The following S100PBP variants were observed in gnomAD, a reference collection of about 807,000 sequenced individuals.
S100PBP encodes S100P-binding protein.
In S100PBP, 15 loss-of-function variants were observed where a neutral mutation model predicts 39.9. The ratio of observed to expected loss-of-function variants is 0.38; its 90% CI spans 0.25 to 0.58. The LOEUF (loss-of-function observed/expected upper bound fraction) is 0.58. Ranked by LOEUF, S100PBP falls within the 20% of genes least tolerant of loss-of-function variation. S100PBP has a pLI of 0.70. For synonymous variants in S100PBP, 178 were observed against 180.3 expected, an observed-to-expected ratio of 0.99 and a Z score of 0.10; for missense variants, 504 against 487.3, an observed-to-expected ratio of 1.03 and a Z score of -0.32.
intron 5 of S100PBP, among the ~76,000 whole-genome samples, chr1:32,831,937 T>G (rs1363137879): frequency 6.6e-6 from 1 of 152,206 alleles, no homozygotes; most frequent in Non-Finnish European, 1.5e-5. Context: ...TAACATCATT[T>G]TCAATCTTTT....
At chr1:32,843,014 T>G (rs1640191710) in intron 5 of S100PBP, 1 of 152,246 alleles carries the variant, frequency 6.6e-6, no homozygotes, top group Non-Finnish European at 1.5e-5. Context: ...CCCGGAGTGT[T>G]TCATATTGTG....
intron 1 of S100PBP, among the ~76,000 whole-genome samples, chr1:32,823,251 C>T (rs1319015292): frequency 1.0e-5 from 1 of 99,500 alleles, no homozygotes; most frequent in Non-Finnish European, 2.0e-5. Context: ...AGCTGCTTAA[C>T]CCCAGTGCCT....
chr1:32,822,892 A>G (rs1265374596), intron 1 of S100PBP, among the ~76,000 whole-genome samples: 1 of 152,192 alleles, frequency 6.6e-6, no homozygotes, highest in African/African-American at 2.4e-5. Flanking sequence ...CAAGAGACCA[A>G]AAGCCCTCTT....
intron 1 of S100PBP, among the ~76,000 whole-genome samples, chr1:32,820,055 A>G (rs920788322): frequency 1.3e-5 from 2 of 151,798 alleles, no homozygotes; most frequent in East Asian, 1.9e-4. Flanking sequence ...ATTAAACTAG[A>G]TAAGAGTAGA....
Position 32,857,986 on chromosome 1 carries a change from C to G in S100PBP, c.*1948C>G, listed in dbSNP as rs866478448. On this transcript the variant is annotated 3_prime_UTR_variant, in exon 7 of 7. Coordinates refer to ENST00000373475, the MANE Select transcript of S100PBP (RefSeq NM_022753.4). ...AGTTGAAATCTATTATTTTAGTTAG[C>G]CTACTTGGCATTTACTACATCGGTC... The G allele has an allele frequency of 2.5e-4, 38 of 152,284 alleles. No homozygotes were observed. The highest frequency in any genetic ancestry group is 8.2e-4 in the African/African-American group (34 of 41,556). 9.4% of individuals were successfully genotyped at this position (152,284 alleles called of 1,614,324 possible).
intron 5 of S100PBP, among the ~76,000 whole-genome samples, chr1:32,847,949 G>C (rs954946749): frequency 6.6e-6 from 1 of 152,086 alleles, no homozygotes; most frequent in African/African-American, 2.4e-5. Context: ...GATTAGATGA[G>C]ACTTTTCACC....
chr1:32,856,497 T>G lies in S100PBP; in HGVS notation c.*459T>G, dbSNP rs1640823910. Reference sequence around the variant, plus strand: ...TAACTTGTGAATGGATATAAGTTACTTTTAACAACCCCTCTTACTTTTTTA... The same window carrying G: ...TAACTTGTGAATGGATATAAGTTACGTTTAACAACCCCTCTTACTTTTTTA... On this transcript the variant is annotated 3_prime_UTR_variant, in exon 7 of 7. Coordinates refer to ENST00000373475, the MANE Select transcript of S100PBP (RefSeq NM_022753.4). The G allele has an allele frequency of 6.5e-6, 1 of 153,176 alleles. No homozygotes were observed. The highest frequency in any genetic ancestry group is 1.5e-5 in the Non-Finnish European group (1 of 68,490). The allele number at this position is 153,176 out of a possible 1,614,324, so 9.5% of individuals were successfully genotyped here.
At chr1:32,847,216 T>C (rs1640419988) in intron 5 of S100PBP, 1 of 152,258 alleles carries the variant, frequency 6.6e-6, no homozygotes, top group African/African-American at 2.4e-5. Context: ...ATTTTCCTTT[T>C]TCCTAATGAA....
intron 1 of S100PBP, among the ~76,000 whole-genome samples, chr1:32,822,639 AGAG>A (rs889506600): frequency 2.0e-5 from 3 of 151,062 alleles, no homozygotes; most frequent in Admixed American, 6.6e-5. Flanking sequence ...AAAAAAAAAA[AGAG>A]GAAGTAACAT....
At chr1:32,822,570 G>A (rs1489224782) in intron 1 of S100PBP, among the ~76,000 whole-genome samples, 2 of 146,310 alleles carry the variant, frequency 1.4e-5, no homozygotes, top group Non-Finnish European at 3.0e-5. Context: ...GCAGTGAGCC[G>A]AGATCGCGCC....
Position 32,825,439 on chromosome 1 carries a change from A to G in S100PBP, c.-3+10A>G, listed in dbSNP as rs1413430456. ...CCAGCAGCTCCACACAGTATGGAAG[A>G]CAGTTATTTACCTTCTTGTGTTCTC... On this transcript the variant is annotated intron_variant, in intron 2 of 6. Coordinates refer to ENST00000373475, the MANE Select transcript of S100PBP (RefSeq NM_022753.4). 6.6e-6 allele frequency: 1 copy of G among 152,276 alleles called. No individual in the cohort carries two copies. Among genetic ancestry groups the G allele is most frequent in the Non-Finnish European group, 1.5e-5 (1 of 68,086 alleles). 9.4% of individuals were successfully genotyped at this position (152,276 alleles called of 1,614,324 possible).
intron 1 of S100PBP, among the ~76,000 whole-genome samples, chr1:32,823,773 C>T (rs1204257725): frequency 6.6e-6 from 1 of 152,128 alleles, no homozygotes; most frequent in Non-Finnish European, 1.5e-5. Flanking sequence ...CAAGATTATA[C>T]ATTAAGATTA....
At position 32,825,224 on chromosome 1, in the gene S100PBP, C is replaced by T. The variant is rs1262905188; in HGVS notation, c.-119-89C>T. ...AAAATCAAGATTAAAATTAATACAT[C>T]GAGCACCTTAAAGCATAATACAGTT... On this transcript the variant is annotated intron_variant, in intron 1 of 6. Transcript: ENST00000373475. 3.9e-5 allele frequency: 6 copies of T among 152,034 alleles called. No homozygotes were observed. The East Asian group carries it at 1.2e-3, about 29-fold the overall frequency. 9.4% of individuals were successfully genotyped at this position (152,034 alleles called of 1,614,324 possible).
intron 1 of S100PBP, among the ~76,000 whole-genome samples, chr1:32,819,959 T>A (rs1638968794): frequency 1.3e-5 from 2 of 152,132 alleles, no homozygotes; most frequent in Admixed American, 1.3e-4. Context: ...AAAGGATAGT[T>A]CAGTGAACAT....
intron 5 of S100PBP, among the ~76,000 whole-genome samples, chr1:32,834,340 A>G (rs942183738): frequency 6.6e-6 from 1 of 152,222 alleles, no homozygotes; most frequent in African/African-American, 2.4e-5. Flanking sequence ...CAAAGTTCAC[A>G]TTTAGTTATT....
chr1:32,817,378 C>T (rs531464709), upstream of S100PBP: 2 of 1,172,314 alleles, frequency 1.7e-6, no homozygotes, highest in East Asian at 2.5e-5. Flanking sequence ...GCTCCGCTTA[C>T]TCGGCCTGGA....
At chr1:32,843,933 A>G (rs895841971) in intron 5 of S100PBP, among the ~76,000 whole-genome samples, 13 of 149,824 alleles carry the variant, frequency 8.7e-5, no homozygotes, top group African/African-American at 3.2e-4. Context: ...TCTTTTTTTG[A>G]GATGGAGTCT....
At chr1:32,830,111 AC>A in intron 5 of S100PBP, 44 bp downstream of exon 5, 1 of 1,220,204 alleles carries the variant, frequency 8.2e-7, no homozygotes, top group Admixed American at 1.8e-5. Flanking sequence ...ATGTGATGTG[AC>A]TTTCTCTTTC....
At chr1:32,829,938 C>G in intron 4 of S100PBP, 26 bp from the exon 5 acceptor site, 2 of 1,546,738 alleles carry the variant, frequency 1.3e-6, no homozygotes, top group Non-Finnish European at 1.8e-6. Context: ...GGCTGTTTTT[C>G]TTTTTTCTGG....
Sources: allele counts gnomAD v4.1 joint callset (sites outside exome capture counted in the v4.1 genomes callset), GRCh38; gene constraint gnomAD v4.1.1; transcripts MANE v1.5; gene names NCBI Gene and HGNC (gene_info 2026-07-23, HGNC 2026-07-21).